The following ZNF107 variants were observed in gnomAD, a reference collection of about 807,000 sequenced individuals.
ZNF107 encodes C2H2 type zinc-finger protein.
A neutral mutation model predicts 12.3 loss-of-function variants in ZNF107; 19 were observed. That is an observed-to-expected ratio of 1.55 (90% CI 1.08 to 2.27). The LOEUF (loss-of-function observed/expected upper bound fraction) is 2.27, where lower values mean the gene tolerates loss of function less well. Among genes scored for constraint, ZNF107 ranks in the 30% most tolerant of loss-of-function variants. The pLI, the probability that ZNF107 is intolerant of heterozygous loss-of-function variation, is 0.00. For synonymous variants in ZNF107, 317 were observed against 330.5 expected, an observed-to-expected ratio of 0.96 and a Z score of 0.44; for missense variants, 958 against 979.9, an observed-to-expected ratio of 0.98 and a Z score of 0.30.
Position 64,710,263 on chromosome 7 carries a change from CTCAAATGTTGT to C in ZNF107, c.*1612_*1622del, listed in dbSNP as rs1790841942. The C allele has an allele frequency of 6.6e-6, 1 of 152,186 alleles. No homozygotes were observed. The highest frequency in any genetic ancestry group is 1.5e-5 in the Non-Finnish European group (1 of 68,032). 9.4% of individuals were successfully genotyped at this position (152,186 alleles called of 1,614,324 possible). ...CTAGAGGAAAACCATGAAGCAGTTG[CTCAAATGTTGT>C]TCAACACCAGAAAATTTATATTGGA... On this transcript the variant is annotated 3_prime_UTR_variant, in exon 4 of 4. Coordinates refer to ENST00000620827, the MANE Select transcript of ZNF107 (RefSeq NM_001282359.2).
intron 1 of ZNF107, among the ~76,000 whole-genome samples, chr7:64,672,438 C>G (rs1467064205): frequency 6.6e-6 from 1 of 152,078 alleles, no homozygotes; most frequent in African/African-American, 2.4e-5. Flanking sequence ...CTCACTGCAG[C>G]CTCAACCTCC....
At chr7:64,684,960 C>A (rs1789842221) in intron 1 of ZNF107, among the ~76,000 whole-genome samples, 1 of 152,104 alleles carries the variant, frequency 6.6e-6, no homozygotes, top group African/African-American at 2.4e-5. Flanking sequence ...TATCAGCTAC[C>A]ACTTACGTTG....
intron 1 of ZNF107, among the ~76,000 whole-genome samples, chr7:64,680,416 A>G (rs1013321348): frequency 4.6e-5 from 7 of 152,300 alleles, no homozygotes; most frequent in African/African-American, 1.4e-4. Flanking sequence ...AGTCCTATGC[A>G]GGTGACCACT....
chr7:64,683,831 C>T (rs894457447), intron 1 of ZNF107, among the ~76,000 whole-genome samples: 10 of 152,186 alleles, frequency 6.6e-5, no homozygotes, highest in South Asian at 4.2e-4. Flanking sequence ...TCATATGCCT[C>T]GTGTCAAAAA....
At position 64,709,015 on chromosome 7, in the gene ZNF107, A is replaced by G. The variant is rs141626256; in HGVS notation, c.*359A>G. ...AATCAGTCCTCACACCTTTCTACAC[A>G]TAAGATAATTTATACTGGAGAGGAA... is the stretch of plus-strand genomic sequence containing the variant. On this transcript the variant is annotated 3_prime_UTR_variant, in exon 4 of 4. Transcript: ENST00000620827. 6,690 of 443,976 alleles carry G rather than the reference A, an allele frequency of 0.015. 201 individuals are homozygous for G. Among genetic ancestry groups the G allele is most frequent in the Admixed American group, 0.094 (3,029 of 32,306 alleles). 27.5% of individuals were successfully genotyped at this position (443,976 alleles called of 1,614,324 possible). A position where few individuals can be genotyped will look rare whatever the true frequency, so the allele number is the denominator to read the frequency against.
intron 1 of ZNF107, among the ~76,000 whole-genome samples, chr7:64,679,674 C>T (rs564590112): frequency 2.6e-5 from 4 of 152,258 alleles, no homozygotes; most frequent in South Asian, 2.1e-4. Flanking sequence ...AATCTAAAAC[C>T]GCTCCGTCTT....
At chr7:64,670,368 A>G (rs1789175590) in intron 1 of ZNF107, among the ~76,000 whole-genome samples, 1 of 152,186 alleles carries the variant, frequency 6.6e-6, no homozygotes, top group South Asian at 2.1e-4. Context: ...ATACTAGATT[A>G]GAACACTTTT....
At chr7:64,702,175 G>C (rs1790497608) in intron 3 of ZNF107, among the ~76,000 whole-genome samples, 1 of 150,688 alleles carries the variant, frequency 6.6e-6, no homozygotes, top group Non-Finnish European at 1.5e-5. Flanking sequence ...TTGAGACGGA[G>C]TCTTGCTCTG....
chr7:64,708,248 C>T lies in ZNF107; in HGVS notation c.2151C>T (p.Ser717=). The change falls in exon 4 of 4, where the codon TCC becomes TCT. Residue 717 remains serine (S), a synonymous_variant. Transcript: ENST00000620827. ...CAECGKAFNC[S]STLNRHKIIH... is the part of the protein sequence containing the mutation. ...AATGTGGCAAAGCCTTTAACTGCTC[C>T]TCAACCCTTAATAGACATAAGATAA... is the stretch of plus-strand genomic sequence containing the variant. 1 of 1,613,628 alleles carries T rather than the reference C, an allele frequency of 6.2e-7. No individual in the cohort carries two copies. Among genetic ancestry groups the T allele is most frequent in the Non-Finnish European group, 8.5e-7 (1 of 1,179,794 alleles).
chr7:64,683,149 G>C (rs1405129909), intron 1 of ZNF107, among the ~76,000 whole-genome samples: 2 of 152,176 alleles, frequency 1.3e-5, no homozygotes, highest in Admixed American at 6.5e-5. Flanking sequence ...AACTCACGCT[G>C]TCTCTCTCTA....
intron 1 of ZNF107, among the ~76,000 whole-genome samples, chr7:64,677,993 C>G (rs982125052): frequency 4.6e-5 from 7 of 151,836 alleles, no homozygotes; most frequent in African/African-American, 1.5e-4. Context: ...TTTTGCTAAT[C>G]TCTTTTTTCT....
chr7:64,685,715 A>G (rs1156255840), intron 1 of ZNF107, among the ~76,000 whole-genome samples: 2 of 152,096 alleles, frequency 1.3e-5, no homozygotes, highest in Non-Finnish European at 2.9e-5. Context: ...TTTAACATAC[A>G]CAGCCAGTTC....
intron 3 of ZNF107, 91 bp from the exon 4 acceptor site, chr7:64,706,233 A>C: frequency 8.1e-7 from 1 of 1,232,144 alleles, no homozygotes; most frequent in Non-Finnish European, 1.1e-6. Flanking sequence ...AATCTGGCTT[A>C]TGTAGTTTGT....
intron 3 of ZNF107, among the ~76,000 whole-genome samples, chr7:64,697,270 A>G (rs1790324013): frequency 1.3e-5 from 2 of 152,194 alleles, no homozygotes; most frequent in African/African-American, 4.8e-5. Context: ...TAGTGCCACA[A>G]TAAACATACA....
rs1240060531 is a variant in ZNF107, at chr7:64,708,704, A to C, written c.*48A>C. ...CATAGGAAAATTCATACTGGAGAGA[A>C]ACTACAAATGTGAAGAATGTGTTAA... On this transcript the variant is annotated 3_prime_UTR_variant, in exon 4 of 4. Coordinates refer to ENST00000620827, the MANE Select transcript of ZNF107 (RefSeq NM_001282359.2). The C allele has an allele frequency of 6.5e-7, 1 of 1,527,118 alleles. No individual in the cohort carries two copies. Among genetic ancestry groups the C allele is most frequent in the Non-Finnish European group, 8.9e-7 (1 of 1,128,220 alleles). The allele number at this position is 1,527,118 out of a possible 1,614,324, so 94.6% of individuals were successfully genotyped here.
rs930758530 is a variant in ZNF107, at chr7:64,706,574, T to C, written c.477T>C (p.Asn159=). Residue 159 remains asparagine (N), a synonymous_variant, in exon 4 of 4, where the codon AAT becomes AAC. Transcript: ENST00000620827. ...TGAAAGTCTTTGATAAATTTTCAAA[T>C]TCAAATAGATATAAGAGAAGACATA... ...KYVKVFDKFS[N]SNRYKRRHTG... 1 of 1,607,420 alleles carries C rather than the reference T, an allele frequency of 6.2e-7. No homozygotes were observed. The highest frequency in any genetic ancestry group is 2.2e-5 in the East Asian group (1 of 44,816).
intron 2 of ZNF107, among the ~76,000 whole-genome samples, 167 bp from the exon 3 acceptor site, chr7:64,691,698 A>G (rs1241546807): frequency 2.0e-5 from 3 of 152,224 alleles, no homozygotes; most frequent in African/African-American, 7.2e-5. Context: ...AGTACCAGAT[A>G]GTAAAATTTA....
At chr7:64,697,968 CCG>C (rs1790351111) in intron 3 of ZNF107, among the ~76,000 whole-genome samples, 1 of 152,186 alleles carries the variant, frequency 6.6e-6, no homozygotes, top group Non-Finnish European at 1.5e-5. Flanking sequence ...GCGTGAGCCA[CCG>C]CGCCCGGCCG....
chr7:64,708,512 TATACATAAG>T lies in ZNF107; in HGVS notation c.2419_2427del (p.His807_Ile809del). 1.9e-6 allele frequency: 3 copies of T among 1,613,150 alleles called. No individual in the cohort carries two copies. Among genetic ancestry groups the T allele is most frequent in the Non-Finnish European group, 1.7e-6 (2 of 1,179,588 alleles). ...CCTTTAACCAGTTCTCATCTCTTAATATACATAAGATAATTCATACTGGAGAGAAACCCT... is the reference window on the plus strand; with the variant it reads ...CCTTTAACCAGTTCTCATCTCTTAATATAATTCATACTGGAGAGAAACCCT... On this transcript the variant is annotated inframe_deletion, in exon 4 of 4. Coordinates refer to ENST00000620827, the MANE Select transcript of ZNF107 (RefSeq NM_001282359.2).
Sources: allele counts gnomAD v4.1 joint callset (sites outside exome capture counted in the v4.1 genomes callset), GRCh38; gene constraint gnomAD v4.1.1; transcripts MANE v1.5; gene names NCBI Gene and HGNC (gene_info 2026-07-23, HGNC 2026-07-21).